The following OPTN variants were observed in gnomAD, a reference collection of about 807,000 sequenced individuals.
OPTN encodes the protein E3-14.7K-interacting protein.
A neutral mutation model predicts 70.4 loss-of-function variants in OPTN; 54 were observed. The ratio of observed to expected loss-of-function variants is 0.77; its 90% CI spans 0.62 to 0.96. The LOEUF (loss-of-function observed/expected upper bound fraction) is 0.96. Among genes scored for constraint, OPTN ranks in the 40% least tolerant of loss-of-function variants. The pLI, the probability that OPTN is intolerant of heterozygous loss-of-function variation, is 0.00. For missense variants in OPTN, 624 were observed against 673.2 expected (o/e 0.93, Z 0.81); for synonymous variants, 256 against 248.5 (o/e 1.03, Z -0.28).
At chr10:13,108,676 A>G (rs1011065867) in intron 2 of OPTN, among the ~76,000 whole-genome samples, 1 of 151,904 alleles carries the variant, frequency 6.6e-6, no homozygotes, top group Non-Finnish European at 1.5e-5. Flanking sequence ...CCTCCCGAGT[A>G]GCTGGGACTA....
intron 7 of OPTN, among the ~76,000 whole-genome samples, chr10:13,122,182 T>G (rs960958880): frequency 6.6e-6 from 1 of 152,222 alleles, no homozygotes; most frequent in East Asian, 1.9e-4. Flanking sequence ...TACCTCTGTG[T>G]GTATTTGTCT....
chr10:13,126,210 A>G (rs542237693), intron 11 of OPTN, among the ~76,000 whole-genome samples, 171 bp downstream of exon 11: 1 of 151,660 alleles, frequency 6.6e-6, no homozygotes, highest in African/African-American at 2.4e-5. Context: ...TGTTCCACAT[A>G]TGTGTAATGT....
intron 12 of OPTN, 29 bp downstream of exon 12, chr10:13,127,932 G>A: frequency 6.2e-7 from 1 of 1,612,940 alleles, no homozygotes. Context: ...CCCCAGCTGA[G>A]CGAGGCCAGC....
Position 13,122,500 on chromosome 10 carries a change from A to C in OPTN, c.882+13A>C. ...AGGCCCGGAGACTGTGAGTCCTAAG[A>C]TTCCACGGCCACTACCACACCCACA... On this transcript the variant is annotated intron_variant, in intron 8 of 14. Transcript: ENST00000378747. The C allele has an allele frequency of 6.4e-7, 1 of 1,570,504 alleles. No individual in the cohort carries two copies. The highest frequency in any genetic ancestry group is 8.8e-7 in the Non-Finnish European group (1 of 1,140,268).
rs1201324241 is a variant in OPTN, at chr10:13,115,429, A to C, written c.553-838A>C. Among the ~76,000 whole-genome samples, 3 of 106,222 alleles carry C rather than the reference A, an allele frequency of 2.8e-5. No homozygotes were observed. In the East Asian group the frequency reaches 8.0e-4, roughly 28 times the overall value. The allele number at this position is 106,222 out of a possible 152,430, so 69.7% of individuals were successfully genotyped here. A position where few individuals can be genotyped will look rare whatever the true frequency, so the allele number is the denominator to read the frequency against. ...GTATTTATATTATAGAATATATATA[A>C]TATAGAATATATATAATATATTCTA... On this transcript the variant is annotated intron_variant, in intron 5 of 14. Transcript: ENST00000378747.
At position 13,116,315 on chromosome 10, in the gene OPTN, C is replaced by A; in HGVS notation, c.601C>A (p.Pro201Thr). 1 of 1,613,408 alleles carries A rather than the reference C, an allele frequency of 6.2e-7. No homozygotes were observed. Among genetic ancestry groups the A allele is most frequent in the Non-Finnish European group, 8.5e-7 (1 of 1,179,478 alleles). Residue 201 changes from proline to threonine, a missense_variant, in exon 6 of 15, where the codon CCC (proline) becomes ACC (threonine). Transcript: ENST00000378747. ...SVKEIKHSPG[P>T]TRTVSTGTAL... ...AAAAGAAATCAAGCATAGTCCTGGG[C>A]CCACGAGAACAGTCTCCACTGGCAC...
chr10:13,101,624 T>A lies in OPTN; in HGVS notation c.-164+1322T>A, dbSNP rs187261347. 5.1e-3 allele frequency among the ~76,000 whole-genome samples: 775 copies of A among 152,274 alleles called. 1 individual carries two copies. Among genetic ancestry groups the A allele is most frequent in the African/African-American group, 0.01 (426 of 41,552 alleles). On this transcript the variant is annotated intron_variant, in intron 1 of 14. Transcript: ENST00000378747. ...AAAAGAAAAAAATTAAACTTTTTTT[T>A]AAAAAAATATTTCATTTAGAAAGAA...
chr10:13,125,433 A>C lies in OPTN; in HGVS notation c.1014A>C (p.Glu338Asp), dbSNP rs1424334404. ...KRLQEKCQAL[E>D]RKNSAIPSEL... ...CCTTTCTTAGGTGTCAGGCCCTTGAAAGGAAAAATTCTGCAATTCCATCAG... is the reference window on the plus strand; with the variant it reads ...CCTTTCTTAGGTGTCAGGCCCTTGACAGGAAAAATTCTGCAATTCCATCAG... Residue 338 changes from glutamate to aspartate, a missense_variant, in exon 10 of 15, where the codon GAA becomes GAC. Transcript: ENST00000378747. 1 of 1,614,126 alleles carries C rather than the reference A, an allele frequency of 6.2e-7. No individual in the cohort carries two copies. Among genetic ancestry groups the C allele is most frequent in the Non-Finnish European group, 8.5e-7 (1 of 1,179,990 alleles).
intron 4 of OPTN, among the ~76,000 whole-genome samples, chr10:13,111,137 A>G (rs1832986479): frequency 1.3e-5 from 2 of 152,152 alleles, no homozygotes; most frequent in South Asian, 4.1e-4. Context: ...GTCCATGCCA[A>G]GTGTGGGGAG....
intron 7 of OPTN, among the ~76,000 whole-genome samples, chr10:13,121,663 G>C (rs572298031): frequency 3.7e-4 from 56 of 152,258 alleles, no homozygotes; most frequent in African/African-American, 1.3e-3. Flanking sequence ...AGTTCCCACA[G>C]TGTGAATCTG....
chr10:13,124,250 T>G, intron 9 of OPTN, 140 bp downstream of exon 9: 1 of 594,202 alleles, frequency 1.7e-6, no homozygotes, highest in Non-Finnish European at 3.0e-6. Context: ...ATTCAGAATA[T>G]ACTAATGTTC....
intron 8 of OPTN, chr10:13,122,887 G>A (rs563420475): frequency 8.4e-4 from 232 of 275,660 alleles, no homozygotes; most frequent in Non-Finnish European, 1.4e-3. Flanking sequence ...ATGTTGGCCA[G>A]GATGGTCTTG....
Position 13,133,495 on chromosome 10 carries a change from C to T in OPTN, c.1533-7C>T. ...ATCACACAGCGTGTTGCTTTTCGTCCTGGCAGGCAGTCCTTGATGGAGATG... is the reference window on the plus strand; with the variant it reads ...ATCACACAGCGTGTTGCTTTTCGTCTTGGCAGGCAGTCCTTGATGGAGATG... On this transcript the variant is annotated splice_polypyrimidine_tract_variant and splice_region_variant and intron_variant, in intron 13 of 14. Transcript: ENST00000378747. The T allele has an allele frequency of 6.2e-7, 1 of 1,613,848 alleles. No homozygotes were observed. Among genetic ancestry groups the T allele is most frequent in the Admixed American group, 1.7e-5 (1 of 60,014 alleles).
chr10:13,121,796 C>A lies in OPTN; in HGVS notation c.780-589C>A, dbSNP rs528805744. ...ATTTCCTCTCCCTTTTTCTTTGTTC[C>A]TGTAGGCACATGGCTTTTTGAAGGT... On this transcript the variant is annotated intron_variant, in intron 7 of 14. Transcript: ENST00000378747. 8.7e-4 allele frequency among the ~76,000 whole-genome samples: 133 copies of A among 152,228 alleles called. 5 individuals are homozygous for A. The South Asian group carries it at 0.027, about 31-fold the overall frequency.
chr10:13,128,641 C>CA (rs1314556883), intron 12 of OPTN, among the ~76,000 whole-genome samples: 2 of 148,354 alleles, frequency 1.3e-5, no homozygotes, highest in South Asian at 2.2e-4. Flanking sequence ...CTCCTGGGTT[C>CA]AGGTGATTCT....
intron 9 of OPTN, 75 bp downstream of exon 9, chr10:13,124,185 A>C: frequency 2.4e-6 from 2 of 848,034 alleles, no homozygotes; most frequent in South Asian, 3.0e-5. Flanking sequence ...ATAAAAACAT[A>C]GTTTTTTAAC....
At chr10:13,132,431 A>G (rs1833613538) in intron 13 of OPTN, among the ~76,000 whole-genome samples, 1 of 152,182 alleles carries the variant, frequency 6.6e-6, no homozygotes, top group Non-Finnish European at 1.5e-5. Context: ...CTTACAGGAA[A>G]GCTTGACAGA....
chr10:13,121,238 C>T lies in OPTN; in HGVS notation c.780-1147C>T, dbSNP rs574076754. ...AGGTGGAGAGACTTGAAATTGCACT[C>T]GAGAGATAGTGCCTTCCAACTTTGT... is the stretch of plus-strand genomic sequence containing the variant. On this transcript the variant is annotated intron_variant, in intron 7 of 14. Coordinates refer to ENST00000378747, the MANE Select transcript of OPTN (RefSeq NM_001008212.2). Among the ~76,000 whole-genome samples, 188 of 152,222 alleles carry T rather than the reference C, an allele frequency of 1.2e-3. 1 individual carries two copies. Among genetic ancestry groups the T allele is most frequent in the Non-Finnish European group, 1.6e-3 (107 of 68,002 alleles).
rs182829615 is a variant in OPTN at position 13,128,692 on chromosome 10, G to A, written c.1401+789G>A. Among the ~76,000 whole-genome samples, 309 of 151,132 alleles carry A rather than the reference G, an allele frequency of 2.0e-3. 3 individuals are homozygous for A. The highest frequency in any genetic ancestry group is 7.1e-3 in the African/African-American group (290 of 41,108). ...CATGTAGCTGGGACTACAGGCATGT[G>A]CCAACATGCCTGGCTAATTTTTGTA... On this transcript the variant is annotated intron_variant, in intron 12 of 14. Transcript: ENST00000378747.
Sources: gnomAD v4.1 joint callset for allele counts (sites outside exome capture counted in the v4.1 genomes callset) on GRCh38, gnomAD v4.1.1 for gene constraint, MANE v1.5 for transcripts, NCBI Gene and HGNC (gene_info 2026-07-23, HGNC 2026-07-21) for gene names.